FOCAD: variants seen among roughly 807,000 people sequenced by gnomAD.
FOCAD encodes KIAA1797.
A neutral mutation model predicts 225.6 loss-of-function variants in FOCAD; 198 were observed. That is an observed-to-expected ratio of 0.88 (90% confidence interval 0.78 to 0.99). FOCAD has a LOEUF of 0.99. Ranked by LOEUF, FOCAD falls within the 50% of genes least tolerant of loss-of-function variation. FOCAD has a pLI of 0.00. For synonymous variants in FOCAD, 897 were observed against 755.0 expected, an observed-to-expected ratio of 1.19 and a Z score of -3.08; for missense variants, 2,713 against 2,123.6, an observed-to-expected ratio of 1.28 and a Z score of -5.46.
At chr9:20,723,508 G>A (rs1355630387) in intron 4 of FOCAD, among the ~76,000 whole-genome samples, 1 of 152,178 alleles carries the variant, frequency 6.6e-6, no homozygotes, top group Non-Finnish European at 1.5e-5. Flanking sequence ...GAGAAAAGTA[G>A]TGTGTTTTTT....
chr9:20,775,621 T>C (rs935107479), intron 8 of FOCAD, among the ~76,000 whole-genome samples: 2 of 152,176 alleles, frequency 1.3e-5, no homozygotes, highest in African/African-American at 4.8e-5. Context: ...GTTTTCTCTT[T>C]AAAAATACTT....
intron 15 of FOCAD, among the ~76,000 whole-genome samples, chr9:20,849,093 A>C (rs1827398413): frequency 6.6e-6 from 1 of 151,976 alleles, no homozygotes; most frequent in Non-Finnish European, 1.5e-5. Context: ...ATATATAAAA[A>C]AGGATTTTAT....
intron 4 of FOCAD, among the ~76,000 whole-genome samples, chr9:20,725,127 G>A (rs1026017345): frequency 2.6e-5 from 4 of 152,194 alleles, no homozygotes; most frequent in Non-Finnish European, 2.9e-5. Flanking sequence ...AGCCAAGATC[G>A]CACTACTGCA....
intron 5 of FOCAD, among the ~76,000 whole-genome samples, chr9:20,742,755 T>C (rs1827735562): frequency 6.6e-6 from 1 of 152,232 alleles, no homozygotes; most frequent in Non-Finnish European, 1.5e-5. Flanking sequence ...AATTCATTTT[T>C]TCCTATAGTT....
chr9:20,671,742 T>A (rs988699786), intron 2 of FOCAD, among the ~76,000 whole-genome samples: 1 of 152,176 alleles, frequency 6.6e-6, no homozygotes, highest in Non-Finnish European at 1.5e-5. Flanking sequence ...TTTCCTGTAT[T>A]GCTCCCTAAT....
At chr9:20,917,662 A>G (rs565485261) in intron 24 of FOCAD, among the ~76,000 whole-genome samples, 1 of 152,152 alleles carries the variant, frequency 6.6e-6, no homozygotes, top group African/African-American at 2.4e-5. Context: ...CCTCCAACCA[A>G]CACAGATATA....
intron 10 of FOCAD, among the ~76,000 whole-genome samples, chr9:20,783,195 G>T (rs1179930174): frequency 6.6e-6 from 1 of 152,148 alleles, no homozygotes; most frequent in Non-Finnish European, 1.5e-5. Context: ...TATTTGCTCA[G>T]ATGTGTGTGA....
chr9:20,848,594 T>C (rs1003154281), intron 15 of FOCAD, among the ~76,000 whole-genome samples: 4 of 151,970 alleles, frequency 2.6e-5, no homozygotes, highest in Non-Finnish European at 5.9e-5. Context: ...GCTTCTGAGA[T>C]CTTCATTTTG....
At chr9:20,885,372 C>T in intron 21 of FOCAD, 142 bp downstream of exon 21, 1 of 712,230 alleles carries the variant, frequency 1.4e-6, no homozygotes, top group Non-Finnish European at 2.0e-6. Flanking sequence ...GTTGACCCAA[C>T]TGAATACTCA....
At chr9:20,852,736 T>C (rs1179301008) in intron 15 of FOCAD, among the ~76,000 whole-genome samples, 2 of 151,826 alleles carry the variant, frequency 1.3e-5, no homozygotes, top group Admixed American at 1.3e-4. Context: ...GAAATGACAG[T>C]AAACTGTATT....
At chr9:20,881,755 A>T in intron 19 of FOCAD, 116 bp from the exon 20 acceptor site, 1 of 995,408 alleles carries the variant, frequency 1.0e-6, no homozygotes, top group East Asian at 2.4e-5. Context: ...TCTTTTTACC[A>T]TGTAAGGTTT....
chr9:20,973,809 T>C (rs1839990303), intron 35 of FOCAD, among the ~76,000 whole-genome samples: 1 of 130,274 alleles, frequency 7.7e-6, no homozygotes, highest in Non-Finnish European at 1.7e-5. Flanking sequence ...TTCCCCATTT[T>C]AGCATCTGCT....
upstream of FOCAD, among the ~76,000 whole-genome samples, chr9:20,656,482 T>G (rs1821480046): frequency 6.6e-6 from 1 of 152,202 alleles, no homozygotes; most frequent in South Asian, 2.1e-4. Flanking sequence ...GTATATATAT[T>G]TAGGATAGTT....
chr9:20,759,863 A>G (rs886214971), intron 6 of FOCAD, among the ~76,000 whole-genome samples: 1 of 152,366 alleles, frequency 6.6e-6, no homozygotes, highest in Non-Finnish European at 1.5e-5. Context: ...CCCCTTGGAC[A>G]CTGGCTAATG....
intron 15 of FOCAD, among the ~76,000 whole-genome samples, chr9:20,848,714 A>G (rs1283380005): frequency 2.0e-5 from 3 of 152,008 alleles, no homozygotes; most frequent in Admixed American, 1.3e-4. Flanking sequence ...CATGCCGTAC[A>G]CATTCTTTTG....
At chr9:20,857,387 T>G (rs1459890539) in intron 15 of FOCAD, among the ~76,000 whole-genome samples, 1 of 152,012 alleles carries the variant, frequency 6.6e-6, no homozygotes, top group Non-Finnish European at 1.5e-5. Flanking sequence ...CTTGGTTTCT[T>G]TTTCAGATTG....
intron 5 of FOCAD, among the ~76,000 whole-genome samples, chr9:20,746,197 G>T (rs1447710550): frequency 2.0e-5 from 3 of 152,164 alleles, no homozygotes; most frequent in Admixed American, 1.3e-4. Context: ...TTTAAGCATT[G>T]TTTTTGCATT....
intron 27 of FOCAD, among the ~76,000 whole-genome samples, chr9:20,930,658 A>G (rs979025117): frequency 1.3e-5 from 2 of 152,210 alleles, no homozygotes; most frequent in African/African-American, 4.8e-5. Context: ...GGGGAATACC[A>G]TATTTCAGAT....
intron 11 of FOCAD, among the ~76,000 whole-genome samples, chr9:20,792,770 T>C (rs886440337): frequency 6.6e-6 from 1 of 152,172 alleles, no homozygotes; most frequent in Non-Finnish European, 1.5e-5. Flanking sequence ...ATTTGATCCA[T>C]TTGAAATCAC....
Sources: allele counts gnomAD v4.1 joint callset (sites outside exome capture counted in the v4.1 genomes callset), GRCh38; gene constraint gnomAD v4.1.1; transcripts MANE v1.5; gene names NCBI Gene and HGNC (gene_info 2026-07-23, HGNC 2026-07-21).